AJAP1: variants seen among roughly 807,000 people sequenced by gnomAD.
The protein encoded by AJAP1 is adherens junction-associated protein 1.
In AJAP1, 5 loss-of-function variants were observed where a neutral mutation model predicts 35.0. That is an observed-to-expected ratio of 0.14 (90% confidence interval 0.07 to 0.30). AJAP1 has a LOEUF of 0.30. Among genes scored for constraint, AJAP1 ranks in the 10% least tolerant of loss-of-function variants. The pLI is 1.00. For synonymous variants in AJAP1, 284 were observed against 249.3 expected (o/e 1.14, Z -1.31); for missense variants, 586 against 571.0 (o/e 1.03, Z -0.27).
At chr1:4,676,620 T>TGGGGGGACGGGAGTG (rs1639368301) in intron 1 of AJAP1, among the ~76,000 whole-genome samples, 1 of 151,960 alleles carries the variant, frequency 6.6e-6, no homozygotes, top group Non-Finnish European at 1.5e-5. Flanking sequence ...CAGGAGATGA[T>TGGGGGGACGGGAGTG]GGGGGGACGG....
chr1:4,778,942 C>A (rs1014399641), intron 5 of AJAP1, among the ~76,000 whole-genome samples: 3 of 152,202 alleles, frequency 2.0e-5, no homozygotes, highest in African/African-American at 7.2e-5. Context: ...AGAACTGGAA[C>A]CTGCATGAAC....
intron 1 of AJAP1, among the ~76,000 whole-genome samples, chr1:4,676,277 CA>C (rs1305008065): frequency 6.6e-6 from 1 of 151,824 alleles, no homozygotes; most frequent in African/African-American, 2.4e-5. Context: ...TAACCAGTTC[CA>C]AAAAAAGATG....
intron 2 of AJAP1, 122 bp from the exon 3 acceptor site, chr1:4,769,731 G>T: frequency 2.4e-6 from 2 of 818,102 alleles, no homozygotes; most frequent in South Asian, 1.4e-5. Flanking sequence ...CGAGTTCCCC[G>T]CTGCGGATGG....
rs369934160 is a variant in AJAP1 at position 4,719,040 on chromosome 1, C to A, written c.829+6341C>A. ...TCCTTACATCATGAATGTCACAAAA[C>A]CCTGGACTGATAACAAATCTGTTTG... On this transcript the variant is annotated intron_variant, in intron 2 of 5. Coordinates refer to ENST00000378191, the MANE Select transcript of AJAP1 (RefSeq NM_018836.4). 3.3e-4 allele frequency among the ~76,000 whole-genome samples: 50 copies of A among 152,276 alleles called. 1 individual carries two copies. In the South Asian group the frequency reaches 0.01, roughly 31 times the overall value.
At chr1:4,742,263 G>C (rs9787146) in intron 2 of AJAP1, among the ~76,000 whole-genome samples, 38,106 of 152,120 alleles carry the variant, frequency 0.25, 5,011 homozygotes, top group African/African-American at 0.32. Context: ...GGACAGATCA[G>C]CTCCTGCGCT....
intron 1 of AJAP1, among the ~76,000 whole-genome samples, chr1:4,710,432 C>T (rs61765037): frequency 0.082 from 12,422 of 150,934 alleles, 677 homozygotes; most frequent in South Asian, 0.14. Context: ...TTGACCCACA[C>T]GCACACACTC....
At chr1:4,727,245 C>T (rs1640685100) in intron 2 of AJAP1, among the ~76,000 whole-genome samples, 1 of 152,212 alleles carries the variant, frequency 6.6e-6, no homozygotes, top group South Asian at 2.1e-4. Context: ...AGGAGCCTCA[C>T]AGCCTCAGAA....
At chr1:4,684,500 G>A (rs932040502) in intron 1 of AJAP1, among the ~76,000 whole-genome samples, 4 of 152,164 alleles carry the variant, frequency 2.6e-5, no homozygotes, top group Non-Finnish European at 5.9e-5. Flanking sequence ...CTGGGGGAGG[G>A]GAAGGGAGTA....
rs144843183 is a variant in AJAP1, at chr1:4,698,906, G to A, written c.30-12994G>A. On this transcript the variant is annotated intron_variant, in intron 1 of 5. Coordinates refer to ENST00000378191, the MANE Select transcript of AJAP1 (RefSeq NM_018836.4). ...GCTTGTACTAAGGATGGTCCAGCGG[G>A]GAGTGGCTTGGGCAGGGTTGCAGGC... 6.1e-3 allele frequency among the ~76,000 whole-genome samples: 926 copies of A among 152,306 alleles called. 4 individuals are homozygous for A. Among genetic ancestry groups the A allele is most frequent in the African/African-American group, 0.021 (877 of 41,566 alleles).
At chr1:4,767,433 TATC>T (rs1641708967) in intron 2 of AJAP1, among the ~76,000 whole-genome samples, 1 of 150,430 alleles carries the variant, frequency 6.6e-6, no homozygotes, top group Non-Finnish European at 1.5e-5. Flanking sequence ...TTACCATCAC[TATC>T]ATCATCACCA....
chr1:4,764,397 C>T (rs1314948622), intron 2 of AJAP1, among the ~76,000 whole-genome samples: 2 of 152,186 alleles, frequency 1.3e-5, no homozygotes, highest in South Asian at 2.1e-4. Flanking sequence ...GAAGCCTAAT[C>T]CCTGAGGTTC....
chr1:4,761,526 T>C (rs1641565518), intron 2 of AJAP1, among the ~76,000 whole-genome samples: 1 of 152,242 alleles, frequency 6.6e-6, no homozygotes, highest in African/African-American at 2.4e-5. Flanking sequence ...CCATGGCCAT[T>C]GGCCATCGGC....
At chr1:4,710,523 C>T (rs541662590) in intron 1 of AJAP1, among the ~76,000 whole-genome samples, 52 of 152,342 alleles carry the variant, frequency 3.4e-4, no homozygotes, top group African/African-American at 1.1e-3. Flanking sequence ...GCACGCATTA[C>T]AATGACACAC....
chr1:4,713,323 C>T (rs1640311699), intron 2 of AJAP1, among the ~76,000 whole-genome samples: 1 of 152,260 alleles, frequency 6.6e-6, no homozygotes, highest in East Asian at 1.9e-4. Context: ...CTTTCGGCTC[C>T]CTGGGGATGT....
At chr1:4,745,013 G>A (rs1393331824) in intron 2 of AJAP1, among the ~76,000 whole-genome samples, 1 of 152,108 alleles carries the variant, frequency 6.6e-6, no homozygotes, top group African/African-American at 2.4e-5. Context: ...CAGTGGTTAG[G>A]CCACTGCACC....
chr1:4,684,060 A>C (rs1639546721), intron 1 of AJAP1, among the ~76,000 whole-genome samples: 2 of 152,204 alleles, frequency 1.3e-5, no homozygotes, highest in African/African-American at 4.8e-5. Context: ...AATGGCCTGG[A>C]AAAGGCTGAG....
intron 2 of AJAP1, among the ~76,000 whole-genome samples, chr1:4,761,897 G>T (rs565483223): frequency 2.7e-4 from 41 of 152,154 alleles, no homozygotes; most frequent in African/African-American, 9.6e-4. Flanking sequence ...ACTGAGGATG[G>T]GTCTGCCTTT....
At chr1:4,680,778 G>T (rs1298879972) in intron 1 of AJAP1, among the ~76,000 whole-genome samples, 1 of 152,182 alleles carries the variant, frequency 6.6e-6, no homozygotes, top group African/African-American at 2.4e-5. Flanking sequence ...AGTAAGAATG[G>T]TGAAGTTCAG....
At position 4,789,003 on chromosome 1, in the gene AJAP1, C is replaced by T. The variant is rs994750319; in HGVS notation, c.*6518C>T. ...CCCTGTAGCTCCATTGCCTTTTCCT[C>T]GTGAAGGATTCCCTGCTAAATGTTC... On this transcript the variant is annotated 3_prime_UTR_variant, in exon 6 of 6. Coordinates refer to ENST00000378191, the MANE Select transcript of AJAP1 (RefSeq NM_018836.4). This position sits in a 1 kb window ranked among gnomAD's most constrained non-coding sequence, Gnocchi z 4.4. 6.6e-6 allele frequency: 1 copy of T among 152,172 alleles called. No homozygotes were observed. The highest frequency in any genetic ancestry group is 1.5e-5 in the Non-Finnish European group (1 of 68,042). The allele number at this position is 152,172 out of a possible 1,614,324, so 9.4% of individuals were successfully genotyped here.
Sources: gnomAD v4.1 joint callset for allele counts (sites outside exome capture counted in the v4.1 genomes callset) on GRCh38, gnomAD v4.1.1 for gene constraint, Gnocchi (gnomAD v3.1) non-coding constraint, MANE v1.5 for transcripts, NCBI Gene and HGNC (gene_info 2026-07-23, HGNC 2026-07-21) for gene names.